Variants in KLHL5 observed in about 807,000 individuals in gnomAD.
The protein encoded by KLHL5 is kelch-like protein 5.
KLHL5 carries 48 observed loss-of-function variants against 77.7 expected under a neutral mutation model. The ratio of observed to expected loss-of-function variants is 0.62; its 90% CI spans 0.49 to 0.79. The LOEUF is 0.79. Among genes scored for constraint, KLHL5 ranks in the 30% least tolerant of loss-of-function variants. The pLI, the probability that KLHL5 is intolerant of heterozygous loss-of-function variation, is 0.00. For missense variants in KLHL5, 723 were observed against 859.7 expected (o/e 0.84, Z 1.99); for synonymous variants, 260 against 297.0 (o/e 0.88, Z 1.28).
intron 1 of KLHL5, among the ~76,000 whole-genome samples, chr4:39,050,933 T>A (rs540170643): frequency 6.6e-6 from 1 of 152,356 alleles, no homozygotes; most frequent in South Asian, 2.1e-4. Flanking sequence ...CCATCCCTTC[T>A]TCCTCTCCCA....
upstream of KLHL5, among the ~76,000 whole-genome samples, chr4:39,057,915 G>C (rs1232842891): frequency 6.6e-6 from 1 of 152,156 alleles, no homozygotes; most frequent in African/African-American, 2.4e-5. Context: ...AGCTTTAAAA[G>C]CCACACTGTT....
At position 39,075,977 on chromosome 4, in the gene KLHL5, T is replaced by C; in HGVS notation, c.396T>C (p.Ser132=). ...SDSSSCRTSN[S]SQTLSSCHTM... is the part of the protein sequence containing the mutation. ...TTTTTCTTTTCAGGACTTCCAATAG[T>C]AGTCAGACATTATCATCCTGTCATA... The change falls in exon 2 of 11, where the codon AGT becomes AGC. Residue 132 remains serine, a synonymous_variant. Coordinates refer to ENST00000504108, the MANE Select transcript of KLHL5 (RefSeq NM_015990.5). The C allele has an allele frequency of 1.2e-6, 2 of 1,607,878 alleles. No homozygotes were observed. Among genetic ancestry groups the C allele is most frequent in the Non-Finnish European group, 1.7e-6 (2 of 1,178,040 alleles).
chr4:39,129,040 A>G (rs372503398), downstream of KLHL5, among the ~76,000 whole-genome samples: 6 of 151,716 alleles, frequency 4.0e-5, no homozygotes, highest in East Asian at 7.7e-4. The surrounding 1 kb of genome is among the most constrained non-coding windows in gnomAD (Gnocchi z 4.2). Context: ...GCCCCCATAC[A>G]CTCAGTCCAG....
intron 5 of KLHL5, among the ~76,000 whole-genome samples, chr4:39,091,892 C>T (rs1156560213): frequency 2.6e-5 from 3 of 114,302 alleles, no homozygotes; most frequent in African/African-American, 1.0e-4. Flanking sequence ...CACTTTGTTG[C>T]CCAAGCTCTC....
intron 1 of KLHL5, among the ~76,000 whole-genome samples, chr4:39,048,768 C>A (rs145615421): frequency 1.3e-5 from 2 of 151,346 alleles, no homozygotes. Flanking sequence ...CTCAGCCTCC[C>A]GAGTAGGTGG....
intron 2 of KLHL5, among the ~76,000 whole-genome samples, chr4:39,078,634 G>T (rs2109364106): frequency 6.6e-6 from 1 of 152,188 alleles, no homozygotes; most frequent in Admixed American, 6.5e-5. Flanking sequence ...GGCAGAGGTT[G>T]CAATGAGCCA....
chr4:39,142,259 G>A, the KLHL5 span, among the ~76,000 whole-genome samples: 203 of 152,096 alleles, frequency 1.3e-3, 2 homozygotes, highest in African/African-American at 4.6e-3. Context: ...GCTGGGCGTG[G>A]TGGCGGGCGC....
intron 1 of KLHL5, among the ~76,000 whole-genome samples, chr4:39,051,030 A>G (rs575519112): frequency 3.7e-4 from 57 of 152,328 alleles, no homozygotes; most frequent in African/African-American, 1.3e-3. Context: ...CTCATGGGTA[A>G]TAATGCAGGA....
At chr4:39,093,858 A>G (rs1203984862) in intron 5 of KLHL5, among the ~76,000 whole-genome samples, 1 of 152,046 alleles carries the variant, frequency 6.6e-6, no homozygotes, top group Non-Finnish European at 1.5e-5. Flanking sequence ...GTGAGCTGAG[A>G]TTGCGCCACC....
intron 6 of KLHL5, 24 bp downstream of exon 6, chr4:39,096,902 G>T: frequency 6.4e-7 from 1 of 1,561,180 alleles, no homozygotes; most frequent in Non-Finnish European, 8.8e-7. Flanking sequence ...TTTTATTTGG[G>T]GAGGGAGGAC....
At chr4:39,091,537 CT>C (rs1720550201) in intron 5 of KLHL5, among the ~76,000 whole-genome samples, 1 of 152,084 alleles carries the variant, frequency 6.6e-6, no homozygotes. Flanking sequence ...AATGTTTAGC[CT>C]GAATTTATAA....
rs183410555 is a variant in KLHL5, at chr4:39,071,282, T to A, written c.384-4683T>A. Among the ~76,000 whole-genome samples the A allele has an allele frequency of 1.1e-4, 17 of 152,294 alleles. 1 individual carries two copies. Among genetic ancestry groups the A allele is most frequent in the Admixed American group, 1.1e-3 (17 of 15,298 alleles). On this transcript the variant is annotated intron_variant, in intron 1 of 10. Coordinates refer to ENST00000504108, the MANE Select transcript of KLHL5 (RefSeq NM_015990.5). ...CTTCTGCAAAAACATGAATTCTGAATGCCACAAACTAGGAGTAAATCACTT... is the reference window on the plus strand; with the variant it reads ...CTTCTGCAAAAACATGAATTCTGAAAGCCACAAACTAGGAGTAAATCACTT...
chr4:39,047,370 A>T (rs1716270474), intron 1 of KLHL5, among the ~76,000 whole-genome samples: 1 of 152,208 alleles, frequency 6.6e-6, no homozygotes, highest in Non-Finnish European at 1.5e-5. Flanking sequence ...GTGAGCTGAG[A>T]TGGTGCCACT....
chr4:39,076,926 A>G (rs1320234366), intron 2 of KLHL5, among the ~76,000 whole-genome samples: 1 of 152,072 alleles, frequency 6.6e-6, no homozygotes, highest in African/African-American at 2.4e-5. Context: ...AATAGATGGG[A>G]CTTAATTAAA....
At position 39,107,602 on chromosome 4, in the gene KLHL5, T is replaced by A. The variant is rs1205633729; in HGVS notation, c.1559T>A (p.Val520Glu). 6.2e-7 allele frequency: 1 copy of A among 1,612,264 alleles called. No homozygotes were observed. The highest frequency in any genetic ancestry group is 8.5e-7 in the Non-Finnish European group (1 of 1,178,840). The change falls in exon 8 of 11, where the codon GTA (valine) becomes GAA (glutamate). Residue 520 changes from valine to glutamate, a missense_variant. Val to Glu is a moderately radical substitution (Grantham distance 121). Coordinates refer to ENST00000504108, the MANE Select transcript of KLHL5 (RefSeq NM_015990.5). Reference sequence around the variant, plus strand: ...GTACTGGAAGGTCCCATGTATGCCGTAGGAGGACATGATGGCTGGAGCTAT... The same window carrying A: ...GTACTGGAAGGTCCCATGTATGCCGAAGGAGGACATGATGGCTGGAGCTAT... Reference protein sequence around the residue: ...VAVLEGPMYAVGGHDGWSYLN... With the variant: ...VAVLEGPMYAEGGHDGWSYLN...
intron 9 of KLHL5, 55 bp downstream of exon 9, chr4:39,113,287 T>G: frequency 4.4e-6 from 6 of 1,360,874 alleles, no homozygotes; most frequent in Middle Eastern, 2.1e-4. Context: ...AAGTCTCTGA[T>G]ACTTACATAT....
chr4:39,062,380 T>G lies in KLHL5; in HGVS notation c.-273T>G. The stretch of plus-strand genomic sequence containing the variant: ...TGGGAAAGGAGAGCCGGGAAAGTGG[T>G]CTAGCTGCTTCAGGATAGGTGGATG... On this transcript the variant is annotated 5_prime_UTR_variant, in exon 1 of 11. Coordinates refer to ENST00000504108, the MANE Select transcript of KLHL5 (RefSeq NM_015990.5). 1.4e-6 allele frequency: 2 copies of G among 1,446,556 alleles called. No individual in the cohort carries two copies. The highest frequency in any genetic ancestry group is 1.8e-6 in the Non-Finnish European group (2 of 1,106,990). 89.6% of individuals were successfully genotyped at this position (1,446,556 alleles called of 1,614,324 possible).
intron 1 of KLHL5, among the ~76,000 whole-genome samples, chr4:39,056,878 A>C (rs891774713): frequency 2.6e-5 from 4 of 152,172 alleles, no homozygotes; most frequent in African/African-American, 9.7e-5. Flanking sequence ...GCCATCCTAT[A>C]AGGTCTCTGT....
chr4:39,130,874 ACT>A (rs766362938), downstream of KLHL5, among the ~76,000 whole-genome samples: 4 of 151,282 alleles, frequency 2.6e-5, no homozygotes, highest in Non-Finnish European at 4.4e-5. Flanking sequence ...ACAAGGTCTC[ACT>A]CTGTCTCCCA....
Sources: allele counts gnomAD v4.1 joint callset (sites outside exome capture counted in the v4.1 genomes callset), GRCh38; gene constraint gnomAD v4.1.1; non-coding constraint Gnocchi (gnomAD v3.1); transcripts MANE v1.5; gene names NCBI Gene and HGNC (gene_info 2026-07-23, HGNC 2026-07-21).